Variants in AP4E1 observed in about 807,000 individuals in gnomAD.
AP4E1 encodes the protein adaptor related protein complex 4 subunit epsilon 1.
A neutral mutation model predicts 128.2 loss-of-function variants in AP4E1; 56 were observed. That is an observed-to-expected ratio of 0.44 (90% confidence interval 0.35 to 0.55). AP4E1 has a LOEUF of 0.55. AP4E1 is among the 20% of genes least tolerant of loss of function. The pLI is 0.00. For missense variants in AP4E1, 1,324 were observed against 1,307.7 expected (o/e 1.01, Z -0.19); for synonymous variants, 484 against 473.1 (o/e 1.02, Z -0.30).
At chr15:50,995,318 A>T (rs1032643939) in intron 17 of AP4E1, among the ~76,000 whole-genome samples, 1 of 151,440 alleles carries the variant, frequency 6.6e-6, no homozygotes, top group Non-Finnish European at 1.5e-5. Context: ...TAGGTCTGTG[A>T]TCCATTTTGA....
At position 50,962,538 on chromosome 15, in the gene AP4E1, C is replaced by G. The variant is rs368580392; in HGVS notation, c.1851+3744C>G. 9.2e-5 allele frequency among the ~76,000 whole-genome samples: 14 copies of G among 152,028 alleles called. No homozygotes were observed. The South Asian group carries it at 1.5e-3, about 16-fold the overall frequency. On this transcript the variant is annotated intron_variant, in intron 14 of 20. Coordinates refer to ENST00000261842, the MANE Select transcript of AP4E1 (RefSeq NM_007347.5). ...TCTTCAATAAATAGTGTTGAAAAGCCTTGATATCAGCATGCAGAATAATGA... is the reference window on the plus strand; with the variant it reads ...TCTTCAATAAATAGTGTTGAAAAGCGTTGATATCAGCATGCAGAATAATGA...
At position 50,966,831 on chromosome 15, in the gene AP4E1, G is replaced by A. The variant is rs1311066909; in HGVS notation, c.1852-1432G>A. Among the ~76,000 whole-genome samples, 5 of 152,300 alleles carry A rather than the reference G, an allele frequency of 3.3e-5. No homozygotes were observed. In the South Asian group the frequency reaches 8.3e-4, roughly 25 times the overall value. On this transcript the variant is annotated intron_variant, in intron 14 of 20. Coordinates refer to ENST00000261842, the MANE Select transcript of AP4E1 (RefSeq NM_007347.5). ...GGATTACAGGCGTGAGCCACCACGCGTGGCCTAAGAATCTTATTTAAGTGA... is the reference window on the plus strand; with the variant it reads ...GGATTACAGGCGTGAGCCACCACGCATGGCCTAAGAATCTTATTTAAGTGA...
At chr15:50,956,397 A>G (rs2064223334) in intron 13 of AP4E1, among the ~76,000 whole-genome samples, 1 of 152,112 alleles carries the variant, frequency 6.6e-6, no homozygotes, top group Non-Finnish European at 1.5e-5. Context: ...CCGATATTAT[A>G]CCAAAGACAT....
chr15:50,945,179 A>G, intron 10 of AP4E1: 2 of 863,608 alleles, frequency 2.3e-6, no homozygotes, highest in Non-Finnish European at 4.0e-6. Context: ...TTTTTGCCAC[A>G]TGTGGACAGC....
rs186335768 is a variant in AP4E1 at position 50,949,447 on chromosome 15, C to A, written c.1317-379C>A. On this transcript the variant is annotated intron_variant, in intron 11 of 20. Coordinates refer to ENST00000261842, the MANE Select transcript of AP4E1 (RefSeq NM_007347.5). The stretch of plus-strand genomic sequence containing the variant: ...AAAAAAAGGAAAAAAAGAAAAGATA[C>A]TAAACAATTTGTTCAAGTAGACATA... 2.5e-3 allele frequency among the ~76,000 whole-genome samples: 373 copies of A among 149,476 alleles called. 1 individual carries two copies. The highest frequency in any genetic ancestry group is 8.9e-3 in the African/African-American group (363 of 40,788).
At chr15:50,916,682 A>T (rs1195898383) in intron 3 of AP4E1, among the ~76,000 whole-genome samples, 1 of 151,956 alleles carries the variant, frequency 6.6e-6, no homozygotes, top group Non-Finnish European at 1.5e-5. Flanking sequence ...GTGGAACCCT[A>T]CTCCGCCCAA....
rs746511128 is a variant in AP4E1 at position 50,908,891 on chromosome 15, G to C, written c.113G>C (p.Ser38Thr). The C allele has an allele frequency of 6.2e-7, 1 of 1,610,570 alleles. No individual in the cohort carries two copies. The highest frequency in any genetic ancestry group is 1.1e-5 in the South Asian group (1 of 90,658). ...AKASFSSRLG[S>T]LVRGITALTS... ...GCGTCCTTCTCCTCGAGGCTGGGCA[G>C]CCTTGTCCGCGGCATCACAGCCCTC... Residue 38 changes from serine (S) to threonine (T), a missense_variant, in exon 1 of 21, where the codon AGC becomes ACC. By Grantham distance (58) the Ser-to-Thr change is moderately conservative (BLOSUM62 1). Coordinates refer to ENST00000261842, the MANE Select transcript of AP4E1 (RefSeq NM_007347.5).
At chr15:50,946,648 T>G (rs986090374) in intron 10 of AP4E1, among the ~76,000 whole-genome samples, 3 of 152,208 alleles carry the variant, frequency 2.0e-5, no homozygotes, top group Non-Finnish European at 4.4e-5. Context: ...CTAAATATAT[T>G]GAGTAAGTTT....
intron 19 of AP4E1, 134 bp from the exon 20 acceptor site, chr15:51,000,892 G>C (rs189256576): frequency 3.1e-5 from 21 of 686,612 alleles, no homozygotes; most frequent in African/African-American, 2.5e-4. Flanking sequence ...TAGCATATTT[G>C]GTTTAAAGAC....
chr15:50,945,613 G>A (rs1232100147), intron 10 of AP4E1: 1 of 757,894 alleles, frequency 1.3e-6, no homozygotes, highest in Non-Finnish European at 2.4e-6. Flanking sequence ...TTGAAGCAGG[G>A]AGGTATATCA....
At chr15:50,932,238 T>A (rs2063844940) in intron 7 of AP4E1, among the ~76,000 whole-genome samples, 1 of 152,068 alleles carries the variant, frequency 6.6e-6, no homozygotes, top group African/African-American at 2.4e-5. Flanking sequence ...CTCAGCCTCC[T>A]AAAGTGCTGG....
intron 10 of AP4E1, chr15:50,944,650 G>T: frequency 2.8e-6 from 1 of 361,760 alleles, no homozygotes; most frequent in South Asian, 5.4e-5. Flanking sequence ...CCGGCCAGAA[G>T]AGCAACCAAG....
chr15:50,982,893 C>A (rs1440343941), intron 15 of AP4E1, among the ~76,000 whole-genome samples: 2 of 152,260 alleles, frequency 1.3e-5, no homozygotes, highest in East Asian at 3.9e-4. Context: ...TAATTTGGGA[C>A]AAACTCTTTA....
chr15:51,002,502 G>A lies in AP4E1; in HGVS notation c.3254G>A (p.Gly1085Asp). The A allele has an allele frequency of 6.2e-7, 1 of 1,613,932 alleles. No individual in the cohort carries two copies. Among genetic ancestry groups the A allele is most frequent in the Non-Finnish European group, 8.5e-7 (1 of 1,179,954 alleles). The change falls in exon 21 of 21, where the codon GGC (glycine) becomes GAC (aspartate). Residue 1085 changes from glycine to aspartate, a missense_variant and splice_region_variant. By Grantham distance (94) the Gly-to-Asp change is moderately conservative. Coordinates refer to ENST00000261842, the MANE Select transcript of AP4E1 (RefSeq NM_007347.5). Reference protein sequence around the residue: ...KLRLHIIEIIGNEGLLACQLL... With the variant: ...KLRLHIIEIIDNEGLLACQLL... The stretch of plus-strand genomic sequence containing the variant: ...ATTTTTCACTTTTGTTTTGTTTTAG[G>A]CAATGAAGGGCTATTGGCCTGTCAG...
At position 51,002,483 on chromosome 15, in the gene AP4E1, C is replaced by T. The variant is rs747239898; in HGVS notation, c.3254-19C>T. 1.2e-6 allele frequency: 2 copies of T among 1,613,578 alleles called. No homozygotes were observed. Among genetic ancestry groups the T allele is most frequent in the East Asian group, 2.2e-5 (1 of 44,866 alleles). ...ACTCCTTTTGCATTAAATCATTTTTCACTTTTGTTTTGTTTTAGGCAATGA... is the reference window on the plus strand; with the variant it reads ...ACTCCTTTTGCATTAAATCATTTTTTACTTTTGTTTTGTTTTAGGCAATGA... On this transcript the variant is annotated intron_variant, in intron 20 of 20. Coordinates refer to ENST00000261842, the MANE Select transcript of AP4E1 (RefSeq NM_007347.5).
intron 1 of AP4E1, among the ~76,000 whole-genome samples, chr15:50,910,306 C>T (rs2063549699): frequency 6.6e-6 from 1 of 152,002 alleles, no homozygotes; most frequent in Admixed American, 6.5e-5. Context: ...GATGGTTGCA[C>T]GGATTGTGTA....
intron 16 of AP4E1, among the ~76,000 whole-genome samples, chr15:50,988,854 T>C (rs2064766135): frequency 6.6e-6 from 1 of 152,188 alleles, no homozygotes; most frequent in African/African-American, 2.4e-5. Flanking sequence ...CAGAGTTACT[T>C]TCCAGCCACC....
intron 13 of AP4E1, among the ~76,000 whole-genome samples, chr15:50,956,106 T>C (rs7170036): frequency 0.29 from 43,942 of 152,022 alleles, 6,561 homozygotes; most frequent in East Asian, 0.47. Context: ...ATATGTAATA[T>C]CAAGGGTTTT....
intron 3 of AP4E1, among the ~76,000 whole-genome samples, chr15:50,921,078 C>T (rs780923785): frequency 4.0e-5 from 6 of 151,870 alleles, no homozygotes; most frequent in South Asian, 4.2e-4. Flanking sequence ...GCTGGGATTA[C>T]GGGCATGAAC....
Sources: gnomAD v4.1 joint callset for allele counts (sites outside exome capture counted in the v4.1 genomes callset) on GRCh38, gnomAD v4.1.1 for gene constraint, MANE v1.5 for transcripts, NCBI Gene and HGNC (gene_info 2026-07-23, HGNC 2026-07-21) for gene names.